The following EPG5 variants were observed in gnomAD, a reference collection of about 807,000 sequenced individuals.
EPG5 encodes ectopic P granules protein 5 homolog.
In EPG5, 159 loss-of-function variants were observed where a neutral mutation model predicts 302.7. The observed-to-expected ratio is 0.53, with a 90% CI of 0.46 to 0.60. EPG5 has a LOEUF of 0.60. Among genes scored for constraint, EPG5 ranks in the 20% least tolerant of loss-of-function variants. The pLI, the probability that EPG5 is intolerant of heterozygous loss-of-function variation, is 0.00. For synonymous variants in EPG5, 1,158 were observed against 1,136.8 expected (o/e 1.02, Z -0.37); for missense variants, 2,896 against 3,092.4 (o/e 0.94, Z 1.51).
intron 20 of EPG5, 53 bp from the exon 21 acceptor site, chr18:45,913,881 G>T: frequency 6.3e-7 from 1 of 1,591,544 alleles, no homozygotes; most frequent in African/African-American, 1.3e-5. Flanking sequence ...CCCCACTGAC[G>T]AAATACATCC....
chr18:45,879,545 C>T (rs902250675), intron 32 of EPG5, among the ~76,000 whole-genome samples: 1 of 151,966 alleles, frequency 6.6e-6, no homozygotes, highest in South Asian at 2.1e-4. Flanking sequence ...TTTTTGTATT[C>T]TTTAGTAGAG....
At chr18:45,935,759 T>G (rs891392562) in intron 10 of EPG5, among the ~76,000 whole-genome samples, 2 of 152,142 alleles carry the variant, frequency 1.3e-5, no homozygotes, top group African/African-American at 4.8e-5. Flanking sequence ...CTCTGAACAC[T>G]GAACAAAGTT....
chr18:45,916,178 T>C lies in EPG5; in HGVS notation c.3413A>G (p.Asn1138Ser), dbSNP rs775323310. The C allele has an allele frequency of 2.5e-5, 41 of 1,613,764 alleles. No individual in the cohort carries two copies. Among genetic ancestry groups the C allele is most frequent in the East Asian group, 1.6e-4 (7 of 44,892 alleles). The change falls in exon 19 of 44, where the codon AAT (asparagine) becomes AGT (serine). Residue 1138 changes from asparagine (N) to serine (S), a missense_variant. Coordinates refer to ENST00000282041, the MANE Select transcript of EPG5 (RefSeq NM_020964.3). ...QAHISVSTQP[N>S]EVGPVAVLEF... ...CAACACAGCAACGGGGCCCACTTCA[T>C]TGGGCTGAGTGCTTACAGATATGTG...
chr18:45,889,924 T>C lies in EPG5; in HGVS notation c.4826A>G (p.Lys1609Arg). ...AAGCTGTTGGCTTATGGCTTCATTCTTATGCATGCCTTCAAACTAACAAAA... is the reference window on the plus strand; with the variant it reads ...AAGCTGTTGGCTTATGGCTTCATTCCTATGCATGCCTTCAAACTAACAAAA... ...VVTVQFEGMH[K>R]NEAISQQLHV... The change falls in exon 28 of 44, where the codon AAG (lysine) becomes AGG (arginine). Residue 1609 changes from lysine to arginine, a missense_variant. Transcript: ENST00000282041. 6.3e-7 allele frequency: 1 copy of C among 1,597,894 alleles called. No individual in the cohort carries two copies.
chr18:45,849,293 A>C lies in EPG5; in HGVS notation c.*3174T>G, dbSNP rs1236395973. 1 of 152,278 alleles carries C rather than the reference A, an allele frequency of 6.6e-6. No homozygotes were observed. The highest frequency in any genetic ancestry group is 1.5e-5 in the Non-Finnish European group (1 of 68,116). 9.4% of individuals were successfully genotyped at this position (152,278 alleles called of 1,614,324 possible). A position where few individuals can be genotyped will look rare whatever the true frequency, so the allele number is the denominator to read the frequency against. On this transcript the variant is annotated 3_prime_UTR_variant, in exon 44 of 44. Transcript: ENST00000282041. ...ACGTAGAAACATCTTGGTTCAATAG[A>C]AAGCAGAACTACAGAGCCTGCGGAT...
In EPG5 at chr18:45,849,529, C is replaced by T. The variant is rs983585199; in HGVS notation, c.*2938G>A. 6.6e-6 allele frequency: 1 copy of T among 152,190 alleles called. No individual in the cohort carries two copies. The highest frequency in any genetic ancestry group is 1.5e-5 in the Non-Finnish European group (1 of 68,052). The allele number at this position is 152,190 out of a possible 1,614,324, so 9.4% of individuals were successfully genotyped here. ...AACTCAGTGAAAAAGTATATATCAC[C>T]TTCATTTGAAAGGAACGAGGACATG... On this transcript the variant is annotated 3_prime_UTR_variant, in exon 44 of 44. Transcript: ENST00000282041.
chr18:45,837,868 C>G, the EPG5 span: 1 of 1,533,302 alleles, frequency 6.5e-7, no homozygotes, highest in African/African-American at 1.4e-5. Flanking sequence ...GCTACGAGAG[C>G]CGCCACGGCG....
At chr18:45,816,912 TG>T in the EPG5 span, among the ~76,000 whole-genome samples, 1 of 152,184 alleles carries the variant, frequency 6.6e-6, no homozygotes, top group Non-Finnish European at 1.5e-5. Flanking sequence ...GTGGTATATA[TG>T]TGGTGGAATA....
At chr18:45,878,240 A>G (rs914584506) in intron 34 of EPG5, 136 bp downstream of exon 34, 2 of 625,010 alleles carry the variant, frequency 3.2e-6, no homozygotes, top group African/African-American at 1.9e-5. Flanking sequence ...AGTTTTGAAA[A>G]GAAGCCTTTT....
chr18:45,800,671 G>A, the EPG5 span, among the ~76,000 whole-genome samples: 1 of 152,148 alleles, frequency 6.6e-6, no homozygotes, highest in Non-Finnish European at 1.5e-5. Context: ...TCTCACTCTC[G>A]ATATTGGAGC....
At chr18:45,864,604 AC>A (rs1386861495) in intron 39 of EPG5, among the ~76,000 whole-genome samples, 1 of 151,820 alleles carries the variant, frequency 6.6e-6, no homozygotes, top group African/African-American at 2.4e-5. Flanking sequence ...GTGTTTTGTG[AC>A]TTTTTTTACT....
the EPG5 span, chr18:45,838,807 G>A: frequency 2.1e-5 from 33 of 1,558,120 alleles, no homozygotes; most frequent in Non-Finnish European, 2.8e-5. Context: ...GCCGCCGCCC[G>A]CCCTCGCCTG....
chr18:45,845,263 C>G (rs187374239), downstream of EPG5, among the ~76,000 whole-genome samples: 364 of 152,326 alleles, frequency 2.4e-3, no homozygotes, highest in South Asian at 3.9e-3. Flanking sequence ...CGCCATTCCT[C>G]AGAGAGACAT....
At chr18:45,833,676 T>C in the EPG5 span, among the ~76,000 whole-genome samples, 2 of 152,212 alleles carry the variant, frequency 1.3e-5, no homozygotes, top group Admixed American at 6.5e-5. Context: ...ACAGATTTAA[T>C]GCAAACCAAG....
chr18:45,960,051 G>A (rs758038377), intron 1 of EPG5, among the ~76,000 whole-genome samples: 96 of 152,282 alleles, frequency 6.3e-4, no homozygotes, highest in Admixed American at 6.5e-4. Flanking sequence ...TTGGGAGGCA[G>A]GAGGATCCCT....
At chr18:45,932,081 C>A (rs2050407491) in intron 11 of EPG5, among the ~76,000 whole-genome samples, 1 of 151,506 alleles carries the variant, frequency 6.6e-6, no homozygotes. Flanking sequence ...CAAAGTATTC[C>A]CAGAATAATG....
intron 11 of EPG5, among the ~76,000 whole-genome samples, chr18:45,933,062 G>A (rs1317677142): frequency 6.6e-6 from 1 of 152,180 alleles, no homozygotes; most frequent in Non-Finnish European, 1.5e-5. Context: ...AAGTAGTGCT[G>A]CTGACCATCC....
At chr18:45,825,282 A>C in the EPG5 span, among the ~76,000 whole-genome samples, 1 of 141,860 alleles carries the variant, frequency 7.0e-6, no homozygotes, top group African/African-American at 2.6e-5. Context: ...ATGGGATGGA[A>C]GAAGGGAGGG....
intron 1 of EPG5, among the ~76,000 whole-genome samples, chr18:45,965,089 T>TA (rs1422588451): frequency 6.6e-6 from 1 of 152,138 alleles, no homozygotes; most frequent in Non-Finnish European, 1.5e-5. Flanking sequence ...GAAAACGTGG[T>TA]AAATACTCAG....
Sources: allele counts gnomAD v4.1 joint callset (sites outside exome capture counted in the v4.1 genomes callset), GRCh38; gene constraint gnomAD v4.1.1; transcripts MANE v1.5; gene names NCBI Gene and HGNC (gene_info 2026-07-23, HGNC 2026-07-21).